Variants in WDR45B observed in about 807,000 individuals in gnomAD.
WDR45B encodes the protein WD repeat domain 45B.
A neutral mutation model predicts 44.6 loss-of-function variants in WDR45B; 20 were observed. The observed-to-expected ratio is 0.45, with a 90% confidence interval of 0.32 to 0.65. The LOEUF (loss-of-function observed/expected upper bound fraction) is 0.65. Ranked by LOEUF, WDR45B falls within the 30% of genes least tolerant of loss-of-function variation. The pLI, the probability that WDR45B is intolerant of heterozygous loss-of-function variation, is 0.05. For synonymous variants in WDR45B, 169 were observed against 164.9 expected (o/e 1.02, Z -0.19); for missense variants, 323 against 430.2 (o/e 0.75, Z 2.20).
At chr17:82,648,061 G>A (rs980805946) in intron 1 of WDR45B, among the ~76,000 whole-genome samples, 3 of 149,132 alleles carry the variant, frequency 2.0e-5, no homozygotes, top group East Asian at 2.0e-4. Context: ...CCAGGAAGGT[G>A]GGAGCCGGTT....
intron 6 of WDR45B, among the ~76,000 whole-genome samples, chr17:82,620,592 G>A (rs1005065598): frequency 6.6e-6 from 1 of 152,164 alleles, no homozygotes; most frequent in South Asian, 2.1e-4. Flanking sequence ...GAGCAGGGCC[G>A]CACTGAACCT....
intron 6 of WDR45B, among the ~76,000 whole-genome samples, chr17:82,620,245 C>T (rs1016168532): frequency 6.6e-6 from 1 of 152,170 alleles, no homozygotes; most frequent in Admixed American, 6.5e-5. Flanking sequence ...GCCAGCCTGA[C>T]CAACATGGTG....
chr17:82,623,802 G>A (rs942383897), intron 5 of WDR45B, among the ~76,000 whole-genome samples: 5 of 152,004 alleles, frequency 3.3e-5, no homozygotes, highest in Admixed American at 6.6e-5. Context: ...ATCTCGAAAG[G>A]GAAGAACCAC....
In WDR45B at chr17:82,618,965, C is replaced by A. The variant is rs1363304594; in HGVS notation, c.704+78G>T. 3.0e-5 allele frequency: 42 copies of A among 1,395,470 alleles called. No homozygotes were observed. The South Asian group carries it at 4.1e-4, about 13-fold the overall frequency. 86.4% of individuals were successfully genotyped at this position (1,395,470 alleles called of 1,614,324 possible). A position where few individuals can be genotyped will look rare whatever the true frequency, so the allele number is the denominator to read the frequency against. On this transcript the variant is annotated intron_variant, in intron 7 of 9. Coordinates refer to ENST00000392325, the MANE Select transcript of WDR45B (RefSeq NM_019613.4). Reference sequence around the variant, plus strand: ...CGGGGGAGGGTGGCTGCTCCTACCCCCTCTCCCAAATCCCAAAGGCCCACT... The same window carrying A: ...CGGGGGAGGGTGGCTGCTCCTACCCACTCTCCCAAATCCCAAAGGCCCACT...
In WDR45B at chr17:82,629,675, C is replaced by A. The variant is rs116677438; in HGVS notation, c.244+1246G>T. 2.4e-3 allele frequency: 2,343 copies of A among 985,336 alleles called. 46 individuals carry two copies. In the African/African-American group the frequency reaches 0.037, roughly 15 times the overall value. The allele number at this position is 985,336 out of a possible 1,614,324, so 61.0% of individuals were successfully genotyped here. A position where few individuals can be genotyped will look rare whatever the true frequency, so the allele number is the denominator to read the frequency against. On this transcript the variant is annotated intron_variant, in intron 3 of 9. Coordinates refer to ENST00000392325, the MANE Select transcript of WDR45B (RefSeq NM_019613.4). ...ATGTATCAGGCAGGGCCAGTCCTCA[C>A]CCGAGTGTGGTCTCTCTTCCGCACA...
chr17:82,631,271 G>C (rs1259278740), intron 2 of WDR45B, among the ~76,000 whole-genome samples: 1 of 144,202 alleles, frequency 6.9e-6, no homozygotes, highest in Non-Finnish European at 1.5e-5. Context: ...TGGGAATACA[G>C]GACTCATTTT....
At chr17:82,625,189 T>C (rs1264650125) in intron 5 of WDR45B, among the ~76,000 whole-genome samples, 200 bp downstream of exon 5, 1 of 152,172 alleles carries the variant, frequency 6.6e-6, no homozygotes, top group Non-Finnish European at 1.5e-5. Context: ...GCCCCCACTC[T>C]GTGACTCTGG....
Position 82,616,704 on chromosome 17 carries a change from G to A in WDR45B, c.807-59C>T, listed in dbSNP as rs552732073. The A allele has an allele frequency of 5.6e-5, 90 of 1,608,320 alleles. No individual in the cohort carries two copies. In the African/African-American group the frequency reaches 8.0e-4, roughly 14 times the overall value. On this transcript the variant is annotated intron_variant, in intron 8 of 9. Coordinates refer to ENST00000392325, the MANE Select transcript of WDR45B (RefSeq NM_019613.4). ...GTTTACAGGAAAAAAAATCACCTGC[G>A]TAAGCTCAGAATACGCTGCTGAAAA...
At chr17:82,641,907 T>C (rs138355414) in intron 2 of WDR45B, among the ~76,000 whole-genome samples, 5 of 151,084 alleles carry the variant, frequency 3.3e-5, no homozygotes, top group Admixed American at 1.3e-4. Flanking sequence ...GAGATAGATA[T>C]GTATATATCT....
intron 5 of WDR45B, 111 bp from the exon 6 acceptor site, chr17:82,621,910 A>G (rs1163348347): frequency 8.6e-7 from 1 of 1,163,488 alleles, no homozygotes; most frequent in Non-Finnish European, 1.3e-6. Flanking sequence ...TCATTTATAA[A>G]TATCAGAACC....
intron 5 of WDR45B, among the ~76,000 whole-genome samples, chr17:82,623,011 C>T (rs1014938538): frequency 6.6e-6 from 1 of 152,156 alleles, no homozygotes; most frequent in Non-Finnish European, 1.5e-5. Flanking sequence ...TGAAAAGCTA[C>T]CAAATGTGTA....
intron 2 of WDR45B, among the ~76,000 whole-genome samples, chr17:82,637,546 A>G (rs2045848885): frequency 1.3e-5 from 2 of 152,028 alleles, no homozygotes; most frequent in Admixed American, 1.3e-4. Context: ...GACCGACTGC[A>G]CCACACACCA....
intron 2 of WDR45B, among the ~76,000 whole-genome samples, chr17:82,641,764 G>A (rs552150164): frequency 6.6e-6 from 1 of 152,204 alleles, no homozygotes; most frequent in African/African-American, 2.4e-5. Flanking sequence ...CAGGCGTGGT[G>A]GCAGGTGCCT....
chr17:82,636,822 T>C (rs1298781868), intron 2 of WDR45B, among the ~76,000 whole-genome samples: 1 of 151,994 alleles, frequency 6.6e-6, no homozygotes, highest in Non-Finnish European at 1.5e-5. Context: ...CTTGGTTACC[T>C]GTACACATTG....
chr17:82,634,150 CAAAAAAAAAAA>C lies in WDR45B; in HGVS notation c.143-3139_143-3129del, dbSNP rs36183298. 3.1e-3 allele frequency among the ~76,000 whole-genome samples: 100 copies of C among 31,918 alleles called. 3 individuals carry two copies. The highest frequency in any genetic ancestry group is 0.012 in the African/African-American group (97 of 8,036). 20.9% of individuals were successfully genotyped at this position (31,918 alleles called of 152,430 possible). A position where few individuals can be genotyped will look rare whatever the true frequency, so the allele number is the denominator to read the frequency against. ...TGGGTGACACAGTGAGACTCCATCTCAAAAAAAAAAAAAAAAAAAAAAAAGGCTGATTTTTA... is the reference window on the plus strand; with the variant it reads ...TGGGTGACACAGTGAGACTCCATCTCAAAAAAAAAAAAAGGCTGATTTTTA... On this transcript the variant is annotated intron_variant, in intron 2 of 9. Transcript: ENST00000392325.
chr17:82,643,848 T>A (rs2045945713), intron 2 of WDR45B, 101 bp downstream of exon 2: 2 of 1,179,230 alleles, frequency 1.7e-6, no homozygotes. Flanking sequence ...TATTTACTTC[T>A]CGAAAACAGC....
intron 2 of WDR45B, among the ~76,000 whole-genome samples, chr17:82,642,049 G>C (rs887551308): frequency 6.6e-6 from 1 of 152,132 alleles, no homozygotes; most frequent in Non-Finnish European, 1.5e-5. Flanking sequence ...AGGTTCTGGA[G>C]GGTGGCAGCC....
At chr17:82,617,932 C>CTTT (rs896081781) in intron 7 of WDR45B, among the ~76,000 whole-genome samples, 1 of 143,688 alleles carries the variant, frequency 7.0e-6, no homozygotes, top group Admixed American at 7.0e-5. Context: ...CATTTTCTTT[C>CTTT]TTTTTTTTTT....
intron 1 of WDR45B, 83 bp from the exon 2 acceptor site, chr17:82,644,106 G>C: frequency 1.5e-6 from 2 of 1,333,836 alleles, no homozygotes; most frequent in Non-Finnish European, 1.1e-6. Context: ...GACAACTACT[G>C]AGAACTCTTG....
Sources: allele counts gnomAD v4.1 joint callset (sites outside exome capture counted in the v4.1 genomes callset), GRCh38; gene constraint gnomAD v4.1.1; transcripts MANE v1.5; gene names NCBI Gene and HGNC (gene_info 2026-07-23, HGNC 2026-07-21).